CTIF: variants seen among roughly 807,000 people sequenced by gnomAD.
CTIF encodes the protein CBP80/20-dependent translation initiation factor.
CTIF carries 21 observed loss-of-function variants against 66.0 expected under a neutral mutation model. The observed-to-expected ratio is 0.32, with a 90% CI of 0.23 to 0.46. The LOEUF is 0.46. Among genes scored for constraint, CTIF ranks in the 20% least tolerant of loss-of-function variants. The pLI, the probability that CTIF is intolerant of heterozygous loss-of-function variation, is 1.00. For missense variants in CTIF, 739 were observed against 812.7 expected (o/e 0.91, Z 1.10); for synonymous variants, 345 against 326.4 (o/e 1.06, Z -0.62).
chr18:48,649,155 G>T (rs1468606780), intron 3 of CTIF, among the ~76,000 whole-genome samples: 2 of 152,188 alleles, frequency 1.3e-5, no homozygotes, highest in Non-Finnish European at 2.9e-5. Context: ...GTGGGGCATT[G>T]CGTCACCCGA....
rs1471651413 is a variant in CTIF, at chr18:48,860,027, C to T, written c.*468C>T. ...GTTCCCGCATGCTGTCAGCCGCAGTCGCCAACTGGCAGCAGGCGACGTGTA... is the reference window on the plus strand; with the variant it reads ...GTTCCCGCATGCTGTCAGCCGCAGTTGCCAACTGGCAGCAGGCGACGTGTA... On this transcript the variant is annotated 3_prime_UTR_variant, in exon 12 of 12. Coordinates refer to ENST00000256413, the MANE Select transcript of CTIF (RefSeq NM_014772.3). The T allele has an allele frequency of 1.6e-5, 7 of 440,712 alleles. No homozygotes were observed. Among genetic ancestry groups the T allele is most frequent in the South Asian group, 7.9e-5 (5 of 63,120 alleles). The allele number at this position is 440,712 out of a possible 1,614,324, so 27.3% of individuals were successfully genotyped here.
At chr18:48,602,873 G>GGATGGATC (rs1448100260) in intron 1 of CTIF, among the ~76,000 whole-genome samples, 50 of 150,870 alleles carry the variant, frequency 3.3e-4, no homozygotes, top group Middle Eastern at 6.3e-3. Context: ...ATGGATGGAT[G>GGATGGATC]GATGGATGGA....
chr18:48,844,417 C>T (rs1213532604), intron 10 of CTIF, among the ~76,000 whole-genome samples: 3 of 152,220 alleles, frequency 2.0e-5, no homozygotes, highest in African/African-American at 7.2e-5. Context: ...TTGGTGTCTA[C>T]CCTGAGCCCC....
chr18:48,738,164 C>A (rs947433692), intron 7 of CTIF, among the ~76,000 whole-genome samples: 1 of 152,222 alleles, frequency 6.6e-6, no homozygotes, highest in Non-Finnish European at 1.5e-5. Flanking sequence ...TCTCTCCACC[C>A]GCAGTGGACC....
intron 1 of CTIF, among the ~76,000 whole-genome samples, chr18:48,573,050 C>T (rs1016668633): frequency 6.6e-6 from 1 of 151,634 alleles, no homozygotes; most frequent in Non-Finnish European, 1.5e-5. Context: ...ACTGGCTGTG[C>T]AAAGGCCAGT....
intron 10 of CTIF, among the ~76,000 whole-genome samples, chr18:48,822,559 T>C (rs1454611256): frequency 7.2e-6 from 1 of 138,558 alleles, no homozygotes; most frequent in Non-Finnish European, 1.5e-5. Context: ...TCCATTTATC[T>C]GCTGATGGAC....
chr18:48,693,279 A>G (rs1454742419), intron 6 of CTIF, among the ~76,000 whole-genome samples: 5 of 152,184 alleles, frequency 3.3e-5, no homozygotes, highest in African/African-American at 4.8e-5. Flanking sequence ...CAAGAGGAAA[A>G]AGAAATTCTA....
chr18:48,790,886 G>A (rs1042118246), intron 9 of CTIF, among the ~76,000 whole-genome samples: 1 of 152,160 alleles, frequency 6.6e-6, no homozygotes, highest in Non-Finnish European at 1.5e-5. Flanking sequence ...TGGGGTTCCC[G>A]GATAGCCCTT....
At chr18:48,626,002 T>TTC (rs1211759623) in intron 2 of CTIF, among the ~76,000 whole-genome samples, 5 of 133,552 alleles carry the variant, frequency 3.7e-5, no homozygotes, top group African/African-American at 1.4e-4. Flanking sequence ...TTTTCTTTCT[T>TTC]TTTTTTTTTT....
chr18:48,682,813 G>A (rs1457481905), intron 6 of CTIF: 1 of 152,256 alleles, frequency 6.6e-6, no homozygotes, highest in East Asian at 1.9e-4. Context: ...CGACAGCCCT[G>A]GGCGGGCCAT....
At chr18:48,757,344 T>C (rs1390057169) in intron 7 of CTIF, among the ~76,000 whole-genome samples, 1 of 152,100 alleles carries the variant, frequency 6.6e-6, no homozygotes, top group Non-Finnish European at 1.5e-5. Flanking sequence ...TGAAAACTTG[T>C]TATAGCATAT....
Position 48,862,484 on chromosome 18 carries a change from C to G in CTIF, c.*2925C>G, listed in dbSNP as rs2069494170. The G allele has an allele frequency of 6.6e-6, 1 of 152,630 alleles. No homozygotes were observed. The highest frequency in any genetic ancestry group is 2.1e-4 in the South Asian group (1 of 4,840). The allele number at this position is 152,630 out of a possible 1,614,324, so 9.5% of individuals were successfully genotyped here. On this transcript the variant is annotated 3_prime_UTR_variant, in exon 12 of 12. Coordinates refer to ENST00000256413, the MANE Select transcript of CTIF (RefSeq NM_014772.3). ...TGGGACCGCAGCCCCAGCGAGGCCCCCAACCTCACCCAGACGAGGCCAGGA... is the reference window on the plus strand; with the variant it reads ...TGGGACCGCAGCCCCAGCGAGGCCCGCAACCTCACCCAGACGAGGCCAGGA...
intron 9 of CTIF, among the ~76,000 whole-genome samples, chr18:48,764,491 G>C (rs978454001): frequency 9.9e-5 from 15 of 152,150 alleles, no homozygotes; most frequent in Non-Finnish European, 2.1e-4. Flanking sequence ...CCTGGTGCTG[G>C]AGGGCCCTCG....
intron 1 of CTIF, among the ~76,000 whole-genome samples, chr18:48,543,927 T>C (rs1419496392): frequency 6.6e-6 from 1 of 152,188 alleles, no homozygotes; most frequent in Non-Finnish European, 1.5e-5. Flanking sequence ...ATCTTCATCT[T>C]TGGCATTCAT....
chr18:48,782,892 A>C (rs962580831), intron 9 of CTIF, among the ~76,000 whole-genome samples: 6 of 152,094 alleles, frequency 3.9e-5, no homozygotes, highest in Non-Finnish European at 8.8e-5. Flanking sequence ...CCCCCACTCC[A>C]CTGGCTACCA....
chr18:48,670,597 C>A, intron 5 of CTIF, 72 bp from the exon 6 acceptor site: 1 of 1,398,620 alleles, frequency 7.1e-7, no homozygotes, highest in Non-Finnish European at 1.0e-6. Context: ...TCCCTCCTCT[C>A]CTGCTGGCCG....
intron 10 of CTIF, among the ~76,000 whole-genome samples, chr18:48,820,307 G>T (rs551870333): frequency 5.8e-4 from 88 of 152,302 alleles, no homozygotes; most frequent in African/African-American, 2.0e-3. Flanking sequence ...CAAGCCATTT[G>T]CTGCCTCATA....
At chr18:48,835,846 C>T (rs887530190) in intron 10 of CTIF, among the ~76,000 whole-genome samples, 24 of 152,122 alleles carry the variant, frequency 1.6e-4, no homozygotes, top group Non-Finnish European at 2.6e-4. Flanking sequence ...TGCCCTCACC[C>T]CTGACTTGGC....
At chr18:48,772,913 T>C (rs1910309363) in intron 9 of CTIF, among the ~76,000 whole-genome samples, 1 of 152,216 alleles carries the variant, frequency 6.6e-6, no homozygotes, top group Non-Finnish European at 1.5e-5. Context: ...TCTGCCAAAC[T>C]GTTTCCAGGA....
Sources: allele counts gnomAD v4.1 joint callset (sites outside exome capture counted in the v4.1 genomes callset), GRCh38; gene constraint gnomAD v4.1.1; transcripts MANE v1.5; gene names NCBI Gene and HGNC (gene_info 2026-07-23, HGNC 2026-07-21).